PLSCR2: variants seen among roughly 807,000 people sequenced by gnomAD.
PLSCR2 encodes the protein phospholipid scramblase 2.
PLSCR2 carries 18 observed loss-of-function variants against 25.3 expected under a neutral mutation model. The observed-to-expected ratio is 0.71, with a 90% confidence interval of 0.49 to 1.06. The LOEUF is 1.06. Among genes scored for constraint, PLSCR2 ranks in the 50% least tolerant of loss-of-function variants. The pLI is 0.00. For synonymous variants in PLSCR2, 88 were observed against 87.3 expected (o/e 1.01, Z -0.04); for missense variants, 243 against 269.5 (o/e 0.90, Z 0.69).
At chr3:146,414,016 G>C (rs993860650) in intron 2 of PLSCR2, among the ~76,000 whole-genome samples, 1 of 149,424 alleles carries the variant, frequency 6.7e-6, no homozygotes, top group African/African-American at 2.5e-5. Context: ...GTGGAAGGTG[G>C]GGCTGGCACC....
chr3:146,448,284 T>A (rs1013442946), intron 6 of PLSCR2, among the ~76,000 whole-genome samples: 3 of 152,224 alleles, frequency 2.0e-5, no homozygotes, highest in African/African-American at 7.2e-5. Flanking sequence ...CCCTGTTTAA[T>A]CTTTATCCCA....
At position 146,410,089 on chromosome 3, in the gene PLSCR2, C is replaced by CTT. The variant is rs34516266; in HGVS notation, c.101-14170_101-14169dup. On this transcript the variant is annotated intron_variant and NMD_transcript_variant, in intron 2 of 3. Coordinates refer to the PLSCR2 transcript ENST00000463633. ...TCAAAGGCAAATAGCTCAAATTCAG[C>CTT]TTTTTTTTTTTAAGGGTTCAAGGAG... Among the ~76,000 whole-genome samples the CTT allele has an allele frequency of 5.8e-3, 863 of 147,730 alleles. 4 individuals carry two copies. Among genetic ancestry groups the CTT allele is most frequent in the African/African-American group, 0.015 (586 of 40,310 alleles).
intron 1 of PLSCR2, among the ~76,000 whole-genome samples, chr3:146,483,474 CA>C (rs2043217967): frequency 3.6e-5 from 1 of 27,676 alleles, no homozygotes. Context: ...TATATATATA[CA>C]TGTGTATATA....
At chr3:146,402,678 C>T (rs1218594490) in intron 2 of PLSCR2, among the ~76,000 whole-genome samples, 1 of 152,090 alleles carries the variant, frequency 6.6e-6, no homozygotes, top group African/African-American at 2.4e-5. Context: ...CCATATTGGC[C>T]AGGCTGGTCT....
At position 146,459,845 on chromosome 3, in the gene PLSCR2, T is replaced by A. The variant is rs2041460059; in HGVS notation, c.57+3A>T. 1 of 1,591,460 alleles carries A rather than the reference T, an allele frequency of 6.3e-7. No individual in the cohort carries two copies. Among genetic ancestry groups the A allele is most frequent in the African/African-American group, 1.3e-5 (1 of 74,090 alleles). Reference sequence around the variant, plus strand: ...TCTGAGTATTTTACGTATTTGAAATTACCTGACTTAAGTATTCCAATCCTG... The same window carrying A: ...TCTGAGTATTTTACGTATTTGAAATAACCTGACTTAAGTATTCCAATCCTG... On this transcript the variant is annotated splice_donor_region_variant and intron_variant, in intron 2 of 6. Transcript: ENST00000610787.
chr3:146,444,720 T>C (rs1245195962), intron 6 of PLSCR2, among the ~76,000 whole-genome samples: 1 of 152,064 alleles, frequency 6.6e-6, no homozygotes, highest in Non-Finnish European at 1.5e-5. Flanking sequence ...TCATTCTATG[T>C]CTTTTGATTA....
intron 5 of PLSCR2, 22 bp downstream of exon 5, chr3:146,453,980 T>C (rs2041050053): frequency 6.5e-7 from 1 of 1,543,150 alleles, no homozygotes; most frequent in Non-Finnish European, 8.7e-7. Flanking sequence ...GCAAATCCTA[T>C]AAACATTATG....
At chr3:146,401,430 A>C (rs2038471638) in intron 2 of PLSCR2, 1 of 152,550 alleles carries the variant, frequency 6.6e-6, no homozygotes, top group Non-Finnish European at 1.5e-5. Flanking sequence ...ATAAATTGTC[A>C]TAGTAAAAGG....
rs200145864 is a variant in PLSCR2 at position 146,423,234 on chromosome 3, CCTCTCTCTCTCTCTCT to C, written c.101-27329_101-27314del. ...CTGTCTCTTTCCTCTCCTTGCAGTG[CCTCTCTCTCTCTCTCT>C]CTCTCTCTCTCTCTCTCTCTCTCTC... On this transcript the variant is annotated intron_variant and NMD_transcript_variant, in intron 2 of 3. Coordinates refer to the PLSCR2 transcript ENST00000463633. Among the ~76,000 whole-genome samples the C allele has an allele frequency of 5.2e-3, 277 of 53,476 alleles. 2 individuals carry two copies. The highest frequency in any genetic ancestry group is 0.012 in the Middle Eastern group (1 of 86). The allele number at this position is 53,476 out of a possible 152,430, so 35.1% of individuals were successfully genotyped here.
intron 3 of PLSCR2, among the ~76,000 whole-genome samples, chr3:146,457,305 T>C (rs1042424237): frequency 1.3e-5 from 2 of 152,248 alleles, no homozygotes; most frequent in African/African-American, 4.8e-5. Flanking sequence ...AACTTTATTA[T>C]ATCAGAAGGA....
At chr3:146,449,362 T>C in exon 6 of PLSCR2, 2 of 1,566,932 alleles carry the variant, frequency 1.3e-6, no homozygotes, top group Non-Finnish European at 1.7e-6. Context: ...CATCAAGAGA[T>C]GTAATCTAAA....
intron 1 of PLSCR2, among the ~76,000 whole-genome samples, chr3:146,476,928 G>A (rs1020126498): frequency 6.6e-6 from 1 of 152,206 alleles, no homozygotes; most frequent in Non-Finnish European, 1.5e-5. Context: ...CTTTCCCCCT[G>A]GTAGCTCTGA....
At chr3:146,450,146 C>T (rs944622562) in intron 5 of PLSCR2, among the ~76,000 whole-genome samples, 35 of 152,166 alleles carry the variant, frequency 2.3e-4, no homozygotes, top group Non-Finnish European at 4.7e-4. Flanking sequence ...CAGGTAGTGG[C>T]GGAATATAAC....
chr3:146,442,456 A>C (rs2040303512), intron 6 of PLSCR2, among the ~76,000 whole-genome samples: 5 of 152,142 alleles, frequency 3.3e-5, no homozygotes, highest in Admixed American at 3.3e-4. Flanking sequence ...TATAGAAAAA[A>C]TAATCATAAA....
chr3:146,392,076 A>G (rs1206927182), intron 3 of PLSCR2, among the ~76,000 whole-genome samples: 1 of 152,004 alleles, frequency 6.6e-6, no homozygotes, highest in East Asian at 1.9e-4. Context: ...GTTTGTTTTA[A>G]TATCTATTTA....
chr3:146,455,525 A>G (rs2041166510), intron 3 of PLSCR2, 66 bp from the exon 4 acceptor site: 19 of 940,350 alleles, frequency 2.0e-5, no homozygotes, highest in South Asian at 2.0e-4. Context: ...AAGATATTAT[A>G]TCTAGCTAGT....
chr3:146,469,084 C>T (rs1001533240), intron 1 of PLSCR2: 17 of 975,692 alleles, frequency 1.7e-5, no homozygotes, highest in Non-Finnish European at 2.1e-5. Context: ...GGGCTCCTGG[C>T]GGACTTCATT....
chr3:146,455,220 C>T lies in PLSCR2; in HGVS notation c.321+19G>A, dbSNP rs1275546718. On this transcript the variant is annotated intron_variant, in intron 4 of 6. Transcript: ENST00000610787. ...TTGCTGAACTACTTTATGAAAAGCT[C>T]TAGTAATTGCTCACATACCTCCTGA... 4.6e-6 allele frequency: 7 copies of T among 1,516,640 alleles called. No homozygotes were observed. Among genetic ancestry groups the T allele is most frequent in the Non-Finnish European group, 6.4e-6 (7 of 1,091,582 alleles). 93.9% of individuals were successfully genotyped at this position (1,516,640 alleles called of 1,614,324 possible). A position where few individuals can be genotyped will look rare whatever the true frequency, so the allele number is the denominator to read the frequency against.
At chr3:146,451,887 G>A (rs35779013) in intron 5 of PLSCR2, among the ~76,000 whole-genome samples, 14,036 of 125,310 alleles carry the variant, frequency 0.11, 883 homozygotes, top group African/African-American at 0.19. Flanking sequence ...CCTTTGCTCA[G>A]AACTCTTCCA....
Sources: gnomAD v4.1 joint callset for allele counts (sites outside exome capture counted in the v4.1 genomes callset) on GRCh38, gnomAD v4.1.1 for gene constraint, MANE v1.5 for transcripts, NCBI Gene and HGNC (gene_info 2026-07-23, HGNC 2026-07-21) for gene names.